The following COL25A1 variants were observed in gnomAD, a reference collection of about 807,000 sequenced individuals.
COL25A1 encodes the protein collagen type XXV alpha 1 chain, also known as collagen alpha-1(XXV) chain.
Under a neutral mutation model 128.4 loss-of-function variants are expected in COL25A1, and 103 were observed. The observed-to-expected ratio is 0.80, with a 90% CI of 0.68 to 0.94. COL25A1 has a LOEUF of 0.94. Ranked by LOEUF, COL25A1 falls within the 40% of genes least tolerant of loss-of-function variation. The pLI is 0.00. For synonymous variants in COL25A1, 279 were observed against 277.2 expected, an observed-to-expected ratio of 1.01 and a Z score of -0.06; for missense variants, 745 against 840.0, an observed-to-expected ratio of 0.89 and a Z score of 1.40.
chr4:109,051,271 A>C (rs556035152), intron 3 of COL25A1, among the ~76,000 whole-genome samples: 2 of 152,310 alleles, frequency 1.3e-5, no homozygotes. Context: ...TCCCACATGG[A>C]AACACTATCA....
intron 5 of COL25A1, among the ~76,000 whole-genome samples, chr4:109,018,535 A>G (rs546590430): frequency 1.2e-4 from 19 of 152,226 alleles, no homozygotes; most frequent in African/African-American, 3.1e-4. Flanking sequence ...CATCCTCTCA[A>G]TGGGAACCTT....
At chr4:109,234,485 G>A (rs1031696823) in intron 3 of COL25A1, among the ~76,000 whole-genome samples, 1 of 152,004 alleles carries the variant, frequency 6.6e-6, no homozygotes, top group Non-Finnish European at 1.5e-5. Flanking sequence ...GGGTTTCTGG[G>A]GGAAAAAAGC....
chr4:109,293,858 A>G (rs1344332263), intron 3 of COL25A1, among the ~76,000 whole-genome samples: 1 of 152,108 alleles, frequency 6.6e-6, no homozygotes, highest in East Asian at 1.9e-4. Context: ...AGTGATTCCA[A>G]ATGATTCTGG....
chr4:109,192,008 G>C (rs1775662476), intron 3 of COL25A1, among the ~76,000 whole-genome samples: 2 of 152,208 alleles, frequency 1.3e-5, no homozygotes, highest in Non-Finnish European at 2.9e-5. Flanking sequence ...AGAAGTGTCA[G>C]AGAGATCTTC....
intron 36 of COL25A1, 137 bp downstream of exon 36, chr4:108,819,115 A>T (rs960408002): frequency 3.9e-5 from 21 of 537,948 alleles, no homozygotes; most frequent in African/African-American, 3.8e-4. Context: ...TGGCAGAAGG[A>T]GCCTGTTCAT....
chr4:109,173,014 G>A (rs1034381835), intron 3 of COL25A1, among the ~76,000 whole-genome samples: 1 of 152,134 alleles, frequency 6.6e-6, no homozygotes, highest in Non-Finnish European at 1.5e-5. Flanking sequence ...TTGATCTTTA[G>A]AAAAGTACCA....
intron 18 of COL25A1, among the ~76,000 whole-genome samples, chr4:108,886,415 T>A (rs1472504640): frequency 6.6e-6 from 1 of 151,532 alleles, no homozygotes; most frequent in African/African-American, 2.4e-5. Flanking sequence ...CACAAATTTA[T>A]AAACTTTCTT....
At chr4:109,052,739 ATAAT>A (rs1270103677) in intron 3 of COL25A1, among the ~76,000 whole-genome samples, 1 of 152,212 alleles carries the variant, frequency 6.6e-6, no homozygotes, top group East Asian at 1.9e-4. Flanking sequence ...GACAAAAAGA[ATAAT>A]AAAAATGAAA....
At chr4:108,853,330 T>A (rs1263877689) in intron 24 of COL25A1, among the ~76,000 whole-genome samples, 1 of 152,158 alleles carries the variant, frequency 6.6e-6, no homozygotes, top group Non-Finnish European at 1.5e-5. Context: ...ATATTTTTTC[T>A]CTTTTAGTCT....
In COL25A1 at chr4:109,257,384, T is replaced by C. The variant is rs556323515; in HGVS notation, c.367+43199A>G. Among the ~76,000 whole-genome samples, 3 of 152,348 alleles carry C rather than the reference T, an allele frequency of 2.0e-5. No homozygotes were observed. The South Asian group carries it at 6.2e-4, about 32-fold the overall frequency. On this transcript the variant is annotated intron_variant, in intron 3 of 37. Transcript: ENST00000399132. ...AAACAGAAAGATAATTACTGTGCTA[T>C]TCATCTATGAAAGATGATCATGTAC...
chr4:108,925,271 T>C (rs1274211617), intron 11 of COL25A1, among the ~76,000 whole-genome samples: 2 of 151,922 alleles, frequency 1.3e-5, no homozygotes, highest in Non-Finnish European at 2.9e-5. Flanking sequence ...AAATATAAAA[T>C]TGTGTCAGGT....
intron 3 of COL25A1, among the ~76,000 whole-genome samples, chr4:109,152,747 A>AG (rs1189465764): frequency 6.6e-6 from 1 of 152,232 alleles, no homozygotes; most frequent in Non-Finnish European, 1.5e-5. Flanking sequence ...ACATACGGCT[A>AG]AGTAAAATAA....
intron 3 of COL25A1, among the ~76,000 whole-genome samples, chr4:109,238,903 T>A (rs944256680): frequency 6.6e-6 from 1 of 151,976 alleles, no homozygotes; most frequent in Non-Finnish European, 1.5e-5. Flanking sequence ...TGATGATAGA[T>A]AACAGCTCCT....
intron 3 of COL25A1, among the ~76,000 whole-genome samples, chr4:109,094,845 T>C (rs1221356056): frequency 6.6e-6 from 1 of 152,194 alleles, no homozygotes; most frequent in Admixed American, 6.5e-5. Context: ...AGACTGTATT[T>C]GAAAACAGAT....
chr4:109,061,668 C>T (rs922565206), intron 3 of COL25A1, among the ~76,000 whole-genome samples: 13 of 152,128 alleles, frequency 8.5e-5, no homozygotes, highest in African/African-American at 3.1e-4. Context: ...AATCAAATCC[C>T]ATTTGGCCAT....
intron 3 of COL25A1, among the ~76,000 whole-genome samples, chr4:109,126,241 T>C (rs1768592613): frequency 6.6e-6 from 1 of 152,192 alleles, no homozygotes; most frequent in Non-Finnish European, 1.5e-5. Flanking sequence ...CATTTTTTTC[T>C]AAAAAGACAA....
intron 16 of COL25A1, among the ~76,000 whole-genome samples, chr4:108,892,706 A>G (rs992992580): frequency 5.9e-5 from 9 of 152,118 alleles, no homozygotes; most frequent in African/African-American, 2.2e-4. Flanking sequence ...ATGTTTGGAA[A>G]AGTCTGTGTC....
chr4:108,852,413 G>T, intron 25 of COL25A1, 133 bp from the exon 26 acceptor site: 1 of 674,070 alleles, frequency 1.5e-6, no homozygotes, highest in Non-Finnish European at 2.4e-6. Context: ...TTTGCAATGA[G>T]GAAAAATTTT....
At chr4:108,970,370 A>C (rs1751782471) in intron 8 of COL25A1, among the ~76,000 whole-genome samples, 1 of 152,164 alleles carries the variant, frequency 6.6e-6, no homozygotes, top group Non-Finnish European at 1.5e-5. Flanking sequence ...TATATGACAC[A>C]ATATTTTACT....
Sources: gnomAD v4.1 joint callset for allele counts (sites outside exome capture counted in the v4.1 genomes callset) on GRCh38, gnomAD v4.1.1 for gene constraint, MANE v1.5 for transcripts, NCBI Gene and HGNC (gene_info 2026-07-23, HGNC 2026-07-21) for gene names.